The following SMYD3 variants were observed in gnomAD, a reference collection of about 807,000 sequenced individuals.
SMYD3 encodes SET and MYND domain containing 3, also known as histone-lysine N-methyltransferase SMYD3.
A neutral mutation model predicts 57.7 loss-of-function variants in SMYD3; 36 were observed. That is an observed-to-expected ratio of 0.62 (90% CI 0.48 to 0.82). SMYD3 has a LOEUF of 0.82. SMYD3 is among the 40% of genes least tolerant of loss of function. SMYD3 has a pLI of 0.00. For synonymous variants in SMYD3, 211 were observed against 195.0 expected, an observed-to-expected ratio of 1.08 and a Z score of -0.68; for missense variants, 515 against 538.8, an observed-to-expected ratio of 0.96 and a Z score of 0.44.
At chr1:246,006,591 A>G (rs896141347) in intron 5 of SMYD3, among the ~76,000 whole-genome samples, 2 of 152,226 alleles carry the variant, frequency 1.3e-5, no homozygotes, top group African/African-American at 4.8e-5. Context: ...TTAAAAAACT[A>G]AAAAATAAAT....
intron 5 of SMYD3, among the ~76,000 whole-genome samples, chr1:246,082,925 C>G (rs1446487892): frequency 2.7e-5 from 4 of 148,586 alleles, no homozygotes; most frequent in African/African-American, 7.7e-5. Context: ...CAGCATGCTC[C>G]TTAAGAGTCA....
intron 5 of SMYD3, among the ~76,000 whole-genome samples, chr1:246,017,199 G>A (rs1259243177): frequency 6.6e-6 from 1 of 152,110 alleles, no homozygotes; most frequent in Admixed American, 6.5e-5. Flanking sequence ...TAAACTTAGA[G>A]AACAGTGCAA....
At chr1:245,888,833 A>G (rs918789831) in intron 8 of SMYD3, among the ~76,000 whole-genome samples, 3 of 152,200 alleles carry the variant, frequency 2.0e-5, no homozygotes, top group African/African-American at 7.2e-5. Flanking sequence ...TTCTACATCA[A>G]CCATGTCTAC....
intron 5 of SMYD3, among the ~76,000 whole-genome samples, chr1:246,280,612 A>C (rs941107388): frequency 3.9e-5 from 6 of 152,172 alleles, no homozygotes; most frequent in South Asian, 4.1e-4. Context: ...AAGAATGTTA[A>C]AGACATCTAC....
rs751559171 is a variant in SMYD3, at chr1:245,858,532, G to C, written c.1040C>G (p.Ala347Gly). ...ACINLGLLEE[A>G]LFYGTRTMEP... ...CATGGTCCGAGTACCATAGAACAAG[G>C]CTTCCTCCAACAGGCCGAGGTTGAT... is the stretch of plus-strand genomic sequence containing the variant. Residue 347 changes from alanine (A) to glycine (G), a missense_variant, in exon 10 of 12, where the codon GCC (alanine) becomes GGC (glycine). Coordinates refer to ENST00000490107, the MANE Select transcript of SMYD3 (RefSeq NM_001167740.2). 7 of 1,614,162 alleles carry C rather than the reference G, an allele frequency of 4.3e-6. No homozygotes were observed. The highest frequency in any genetic ancestry group is 2.2e-5 in the East Asian group (1 of 44,876).
intron 5 of SMYD3, among the ~76,000 whole-genome samples, chr1:246,171,386 T>C (rs983032329): frequency 6.6e-6 from 1 of 152,170 alleles, no homozygotes; most frequent in Non-Finnish European, 1.5e-5. Context: ...TAGATCATTC[T>C]TTTTCCAGAG....
intron 1 of SMYD3, among the ~76,000 whole-genome samples, chr1:246,402,539 A>G (rs556798141): frequency 4.7e-4 from 71 of 152,096 alleles, no homozygotes; most frequent in African/African-American, 1.7e-3. Flanking sequence ...TACTTCAAAC[A>G]TCATTGAACT....
intron 5 of SMYD3, among the ~76,000 whole-genome samples, chr1:246,145,366 A>G (rs2061826719): frequency 6.6e-6 from 1 of 152,192 alleles, no homozygotes; most frequent in Non-Finnish European, 1.5e-5. Context: ...TATTCTCCCA[A>G]TTATTACATA....
chr1:245,769,294 C>A (rs2046242683), intron 10 of SMYD3, among the ~76,000 whole-genome samples: 1 of 152,202 alleles, frequency 6.6e-6, no homozygotes, highest in Non-Finnish European at 1.5e-5. Context: ...TAAGTGCCAT[C>A]CGACGCAGAA....
chr1:246,435,486 CT>C (rs1039648758), intron 1 of SMYD3, among the ~76,000 whole-genome samples: 2 of 151,650 alleles, frequency 1.3e-5, no homozygotes, highest in African/African-American at 4.8e-5. Context: ...TAAGTGAAAA[CT>C]TTATATTCAG....
chr1:245,855,010 C>T (rs142349052), intron 10 of SMYD3, among the ~76,000 whole-genome samples: 3 of 152,168 alleles, frequency 2.0e-5, no homozygotes, highest in Non-Finnish European at 2.9e-5. Flanking sequence ...CACTCTCACA[C>T]GGAACATTTC....
chr1:246,362,671 C>T (rs1010527770), intron 1 of SMYD3, among the ~76,000 whole-genome samples: 5 of 152,242 alleles, frequency 3.3e-5, no homozygotes, highest in African/African-American at 4.8e-5. Context: ...CTGTGTTGGC[C>T]GGGCTGGTCT....
intron 5 of SMYD3, among the ~76,000 whole-genome samples, chr1:246,314,164 TA>T (rs2065121767): frequency 2.0e-5 from 3 of 152,194 alleles, no homozygotes; most frequent in Admixed American, 1.3e-4. Flanking sequence ...ACCACCTGGA[TA>T]AAAATAGCAG....
intron 8 of SMYD3, among the ~76,000 whole-genome samples, chr1:245,906,836 G>A (rs1370502839): frequency 6.6e-6 from 1 of 152,180 alleles, no homozygotes; most frequent in Non-Finnish European, 1.5e-5. Flanking sequence ...CCAGTCATTT[G>A]TAACAACATG....
intron 5 of SMYD3, among the ~76,000 whole-genome samples, chr1:246,051,119 T>C (rs1332188040): frequency 6.7e-6 from 1 of 149,532 alleles, no homozygotes; most frequent in Non-Finnish European, 1.5e-5. Context: ...TTAACTTCTT[T>C]TTTTTTCTTA....
intron 10 of SMYD3, among the ~76,000 whole-genome samples, chr1:245,783,973 T>C (rs552656208): frequency 1.7e-4 from 26 of 152,352 alleles, no homozygotes; most frequent in African/African-American, 3.4e-4. Flanking sequence ...AATTGATATA[T>C]AGGCCAAACA....
chr1:246,333,357 G>C (rs1558407412), intron 3 of SMYD3, among the ~76,000 whole-genome samples: 1 of 152,142 alleles, frequency 6.6e-6, no homozygotes. Context: ...AAGAATTTAT[G>C]ATGAGTCCTC....
rs546300378 is a variant in SMYD3, at chr1:246,036,720, A to AT, written c.532-106784dup. Among the ~76,000 whole-genome samples the AT allele has an allele frequency of 2.1e-3, 234 of 110,492 alleles. 3 individuals carry two copies. Among genetic ancestry groups the AT allele is most frequent in the African/African-American group, 3.2e-3 (82 of 25,456 alleles). The allele number at this position is 110,492 out of a possible 152,430, so 72.5% of individuals were successfully genotyped here. A position where few individuals can be genotyped will look rare whatever the true frequency, so the allele number is the denominator to read the frequency against. ...AGGCGCCTGCCACTAAGCCCGGCTA[A>AT]TTTTTTTTTTTTTTTTTGTACTTTT... On this transcript the variant is annotated intron_variant, in intron 5 of 11. Transcript: ENST00000490107.
At chr1:245,779,437 C>T (rs537187476) in intron 10 of SMYD3, among the ~76,000 whole-genome samples, 13 of 152,270 alleles carry the variant, frequency 8.5e-5, no homozygotes, top group South Asian at 2.1e-4. Context: ...AGCACCACCA[C>T]GTACCCTTTA....
Sources: allele counts gnomAD v4.1 joint callset (sites outside exome capture counted in the v4.1 genomes callset), GRCh38; gene constraint gnomAD v4.1.1; transcripts MANE v1.5; gene names NCBI Gene and HGNC (gene_info 2026-07-23, HGNC 2026-07-21).